Variants in SDS observed in about 807,000 individuals in gnomAD.
The protein encoded by SDS is serine dehydratase.
Under a neutral mutation model 29.3 loss-of-function variants are expected in SDS, and 19 were observed. That is an observed-to-expected ratio of 0.65 (90% CI 0.45 to 0.95). SDS has a LOEUF of 0.95. Ranked by LOEUF, SDS falls within the 40% of genes least tolerant of loss-of-function variation. The pLI, the probability that SDS is intolerant of heterozygous loss-of-function variation, is 0.00. For synonymous variants in SDS, 176 were observed against 189.0 expected, an observed-to-expected ratio of 0.93 and a Z score of 0.56; for missense variants, 375 against 439.9, an observed-to-expected ratio of 0.85 and a Z score of 1.32.
chr12:113,398,670 G>A, intron 4 of SDS, 37 bp downstream of exon 4: 1 of 1,608,762 alleles, frequency 6.2e-7, no homozygotes, highest in Non-Finnish European at 8.5e-7. Flanking sequence ...CAGCCACCAG[G>A]CGCCCTCTCT....
At chr12:113,399,467 G>T in intron 2 of SDS, 89 bp downstream of exon 2, 1 of 1,374,504 alleles carries the variant, frequency 7.3e-7, no homozygotes, top group Non-Finnish European at 9.6e-7. Flanking sequence ...ATCCTACAAC[G>T]CCTTTAATTT....
intron 3 of SDS, 31 bp from the exon 4 acceptor site, chr12:113,398,877 G>T (rs1957666514): frequency 1.3e-6 from 2 of 1,574,354 alleles, no homozygotes; most frequent in Non-Finnish European, 8.6e-7. Context: ...GAGCGTGTCA[G>T]TGCGGGAGCA....
intron 6 of SDS, among the ~76,000 whole-genome samples, chr12:113,396,486 T>TTTC (rs1555207520): frequency 5.1e-4 from 65 of 126,684 alleles, no homozygotes; most frequent in East Asian, 9.9e-4. Flanking sequence ...TCTTTCTCTC[T>TTTC]CTTTCTTTCC....
At position 113,399,714 on chromosome 12, in the gene SDS, G is replaced by A. The variant is rs1311208748; in HGVS notation, c.-2-4C>T. ...AGGGGTTCTCCAGACATCATTCCTGGGAGAAAGGAAGGAAACCCAGAGGGT... is the reference window on the plus strand; with the variant it reads ...AGGGGTTCTCCAGACATCATTCCTGAGAGAAAGGAAGGAAACCCAGAGGGT... On this transcript the variant is annotated splice_polypyrimidine_tract_variant and splice_region_variant and intron_variant, in intron 1 of 7. Transcript: ENST00000257549. 2 of 1,565,112 alleles carry A rather than the reference G, an allele frequency of 1.3e-6. No homozygotes were observed. The highest frequency in any genetic ancestry group is 1.7e-6 in the Non-Finnish European group (2 of 1,155,286).
At chr12:113,395,283 C>T (rs932596851) in intron 6 of SDS, among the ~76,000 whole-genome samples, 1 of 152,218 alleles carries the variant, frequency 6.6e-6, no homozygotes, top group Non-Finnish European at 1.5e-5. Flanking sequence ...GCCTGAGCCA[C>T]CTCAGCCCTC....
chr12:113,400,608 C>T (rs1001141376), intron 1 of SDS, among the ~76,000 whole-genome samples: 3 of 152,178 alleles, frequency 2.0e-5, no homozygotes, highest in Non-Finnish European at 2.9e-5. Flanking sequence ...TCCACACACA[C>T]GCACAATCCA....
intron 1 of SDS, among the ~76,000 whole-genome samples, chr12:113,401,069 G>A (rs1330381569): frequency 1.3e-5 from 2 of 152,090 alleles, no homozygotes; most frequent in Admixed American, 6.5e-5. Context: ...AGCCGAGATC[G>A]CGCCACTGCA....
chr12:113,398,921 C>T (rs1199905403), intron 3 of SDS, 75 bp from the exon 4 acceptor site: 2 of 1,532,794 alleles, frequency 1.3e-6, no homozygotes, highest in Non-Finnish European at 1.8e-6. Context: ...GTACCCTCTA[C>T]TGGGGGCTCT....
chr12:113,398,880 CG>C, intron 3 of SDS, 34 bp from the exon 4 acceptor site: 1 of 1,571,398 alleles, frequency 6.4e-7, no homozygotes, highest in Non-Finnish European at 8.6e-7. Flanking sequence ...CGTGTCAGTG[CG>C]GGAGCATCTG....
chr12:113,392,901 T>C lies in SDS; in HGVS notation c.*40A>G. 6.3e-7 allele frequency: 1 copy of C among 1,590,544 alleles called. No homozygotes were observed. The highest frequency in any genetic ancestry group is 8.6e-7 in the Non-Finnish European group (1 of 1,161,424). On this transcript the variant is annotated 3_prime_UTR_variant, in exon 8 of 8. Coordinates refer to ENST00000257549, the MANE Select transcript of SDS (RefSeq NM_006843.3). ...TAAAACTCCAGCCCCTCCAGGGGTC[T>C]CTTGGGCTAGGAGAGCACAGATCGG...
At chr12:113,399,809 A>G in intron 1 of SDS, 99 bp from the exon 2 acceptor site, 1 of 1,248,848 alleles carries the variant, frequency 8.0e-7, no homozygotes, top group African/African-American at 1.5e-5. Context: ...AAGCCAAGCA[A>G]GGCCTCAGAC....
intron 6 of SDS, 50 bp downstream of exon 6, chr12:113,397,115 G>T (rs1445744151): frequency 2.0e-6 from 3 of 1,499,584 alleles, no homozygotes; most frequent in South Asian, 1.1e-5. Context: ...CCCTAAGGGG[G>T]ACTCCCCAGT....
intron 6 of SDS, 81 bp from the exon 7 acceptor site, chr12:113,394,097 T>A: frequency 7.3e-7 from 1 of 1,364,986 alleles, no homozygotes; most frequent in Non-Finnish European, 1.0e-6. Context: ...GAGAAGGAGA[T>A]GGATGTGAGA....
chr12:113,403,053 T>C (rs1957694318), intron 1 of SDS, among the ~76,000 whole-genome samples: 1 of 152,192 alleles, frequency 6.6e-6, no homozygotes, highest in African/African-American at 2.4e-5. Context: ...GAAGGCGCTA[T>C]GCTCATCCCC....
At chr12:113,398,648 G>T in intron 4 of SDS, 42 bp from the exon 5 acceptor site, 1 of 1,605,126 alleles carries the variant, frequency 6.2e-7, no homozygotes, top group Non-Finnish European at 8.5e-7. Flanking sequence ...GAGGCACAGG[G>T]GGCACCCTGT....
chr12:113,395,695 G>A (rs1490676193), intron 6 of SDS, among the ~76,000 whole-genome samples: 4 of 152,198 alleles, frequency 2.6e-5, no homozygotes, highest in Non-Finnish European at 5.9e-5. Flanking sequence ...ACATGCTAAG[G>A]ATAATGGGGA....
Position 113,398,582 on chromosome 12 carries a change from C to T in SDS, c.358G>A (p.Ala120Thr). 1 of 1,595,876 alleles carries T rather than the reference C, an allele frequency of 6.3e-7. No individual in the cohort carries two copies. Among genetic ancestry groups the T allele is most frequent in the Non-Finnish European group, 8.6e-7 (1 of 1,169,476 alleles). ...GGGTTGTTCTTCGCTAGGGCCTTGG[C>T]CAGCTCGAAGGCTTCATCCAATAAC... The part of the protein sequence containing the change: ...GELLDEAFEL[A>T]KALAKNNPGW... The change falls in exon 5 of 8, where the codon GCC (alanine) becomes ACC (threonine). Residue 120 changes from alanine to threonine, a missense_variant. Transcript: ENST00000257549.
rs779224426 is a variant in SDS at position 113,399,544 on chromosome 12, C to G, written c.153+12G>C. 1 of 1,555,866 alleles carries G rather than the reference C, an allele frequency of 6.4e-7. No individual in the cohort carries two copies. Among genetic ancestry groups the G allele is most frequent in the South Asian group, 1.2e-5 (1 of 82,256 alleles). On this transcript the variant is annotated intron_variant, in intron 2 of 7. Coordinates refer to ENST00000257549, the MANE Select transcript of SDS (RefSeq NM_006843.3). ...CCACCCCTGCCCAGATAATGCTGAC[C>G]CGGTCCCGTACCCTCTTGCAGAAGT...
chr12:113,396,431 TTC>T (rs1209477261), intron 6 of SDS, among the ~76,000 whole-genome samples: 8 of 150,872 alleles, frequency 5.3e-5, no homozygotes, highest in Non-Finnish European at 7.4e-5. Flanking sequence ...CTCTCTTTCT[TTC>T]TCTTTCTTTT....
Sources: allele counts gnomAD v4.1 joint callset (sites outside exome capture counted in the v4.1 genomes callset), GRCh38; gene constraint gnomAD v4.1.1; transcripts MANE v1.5; gene names NCBI Gene and HGNC (gene_info 2026-07-23, HGNC 2026-07-21).